BNC2: variants seen among roughly 807,000 people sequenced by gnomAD.
BNC2 encodes the protein zinc finger protein basonuclin-2.
BNC2 carries 20 observed loss-of-function variants against 76.3 expected under a neutral mutation model. That is an observed-to-expected ratio of 0.26 (90% CI 0.18 to 0.38). The LOEUF (loss-of-function observed/expected upper bound fraction) is 0.38. Among genes scored for constraint, BNC2 ranks in the 10% least tolerant of loss-of-function variants. The pLI is 1.00. For synonymous variants in BNC2, 582 were observed against 514.8 expected, an observed-to-expected ratio of 1.13 and a Z score of -1.77; for missense variants, 1,382 against 1,399.8, an observed-to-expected ratio of 0.99 and a Z score of 0.20.
At position 16,583,220 on chromosome 9, in the gene BNC2, A is replaced by G. The variant is rs968833736; in HGVS notation, c.331-135T>C. The G allele has an allele frequency of 5.8e-5, 42 of 718,884 alleles. 1 individual carries two copies. In the South Asian group the frequency reaches 6.6e-4, roughly 11 times the overall value. 44.5% of individuals were successfully genotyped at this position (718,884 alleles called of 1,614,324 possible). On this transcript the variant is annotated intron_variant, in intron 3 of 6. Coordinates refer to ENST00000380672, the MANE Select transcript of BNC2 (RefSeq NM_017637.6). ...TAGGGGCCTGGAGAGTTTTAAAAATAAATTTAGATATCACCAAAATCTCTT... is the reference window on the plus strand; with the variant it reads ...TAGGGGCCTGGAGAGTTTTAAAAATGAATTTAGATATCACCAAAATCTCTT...
chr9:16,555,038 A>ATTTTTTTTTTTTTTTTTTTTTTG (rs1818780708), intron 4 of BNC2, among the ~76,000 whole-genome samples: 1 of 151,178 alleles, frequency 6.6e-6, no homozygotes, highest in African/African-American at 2.5e-5. Context: ...ATTATTTTTT[A>ATTTTTTTTTTTTTTTTTTTTTTG]AGACGGAGTC....
At chr9:16,796,540 C>T (rs1817654498) in intron 1 of BNC2, among the ~76,000 whole-genome samples, 1 of 148,730 alleles carries the variant, frequency 6.7e-6, no homozygotes, top group African/African-American at 2.5e-5. Context: ...TCAATGCACT[C>T]CAGCCTGGGT....
At chr9:16,473,500 A>T (rs891637304) in intron 5 of BNC2, 1 of 152,228 alleles carries the variant, frequency 6.6e-6, no homozygotes, top group African/African-American at 2.4e-5. Context: ...CACCACTGTC[A>T]AAGCAACCTT....
intron 3 of BNC2, among the ~76,000 whole-genome samples, chr9:16,650,880 T>C (rs1821775175): frequency 1.3e-5 from 2 of 152,198 alleles, no homozygotes; most frequent in East Asian, 1.9e-4. Context: ...TGTGTAAGTT[T>C]TGTAAATATT....
intron 5 of BNC2, among the ~76,000 whole-genome samples, chr9:16,486,484 C>T (rs1157886381): frequency 6.6e-6 from 1 of 152,176 alleles, no homozygotes; most frequent in African/African-American, 2.4e-5. Flanking sequence ...TTTTATTATC[C>T]TCCCAGTACT....
intron 1 of BNC2, among the ~76,000 whole-genome samples, chr9:16,826,683 C>T (rs535246091): frequency 1.8e-4 from 28 of 152,032 alleles, no homozygotes; most frequent in Non-Finnish European, 3.8e-4. Context: ...ATGTTTTCAC[C>T]ATGGATTTTG....
chr9:16,724,986 ATTCAT>A (rs1034107417), intron 3 of BNC2, among the ~76,000 whole-genome samples: 1 of 152,146 alleles, frequency 6.6e-6, no homozygotes, highest in Non-Finnish European at 1.5e-5. Context: ...AATAAATTTT[ATTCAT>A]TTCATAAGCT....
At chr9:16,523,480 A>C (rs1211958112) in intron 5 of BNC2, among the ~76,000 whole-genome samples, 7 of 141,598 alleles carry the variant, frequency 4.9e-5, no homozygotes, top group African/African-American at 1.9e-4. Context: ...CAAAACAAAA[A>C]AAAAAAACAA....
chr9:16,743,745 G>T (rs1309339334), intron 1 of BNC2, among the ~76,000 whole-genome samples: 1 of 152,144 alleles, frequency 6.6e-6, no homozygotes, highest in Non-Finnish European at 1.5e-5. Flanking sequence ...ATGGGTATAG[G>T]GTGTTGAGAG....
At chr9:16,761,734 C>T (rs1825556980) in intron 1 of BNC2, among the ~76,000 whole-genome samples, 1 of 152,020 alleles carries the variant, frequency 6.6e-6, no homozygotes, top group African/African-American at 2.4e-5. Context: ...ATAATTATTC[C>T]AGGGCTCCCT....
At chr9:16,802,789 G>C (rs1261998418) in intron 1 of BNC2, among the ~76,000 whole-genome samples, 1 of 152,190 alleles carries the variant, frequency 6.6e-6, no homozygotes, top group Non-Finnish European at 1.5e-5. Context: ...GATTCTGCTG[G>C]GACCAGAGAA....
rs1031367568 is a variant in BNC2, at chr9:16,738,420, C to T, written c.69G>A (p.Glu23=). 1.1e-5 allele frequency: 17 copies of T among 1,613,976 alleles called. No individual in the cohort carries two copies. The highest frequency in any genetic ancestry group is 1.4e-5 in the Non-Finnish European group (17 of 1,179,916). ...CCTTGAAATATGCTGGCCAGTCTTGCTCACTAAGCCTGTCCTCTGATTTGT... is the reference window on the plus strand; with the variant it reads ...CCTTGAAATATGCTGGCCAGTCTTGTTCACTAAGCCTGTCCTCTGATTTGT... The part of the protein sequence containing the change: ...LNYKSEDRLS[E]QDWPAYFKVP... The change falls in exon 2 of 7, where the codon GAG becomes GAA. Residue 23 remains glutamate, a synonymous_variant. Transcript: ENST00000380672.
intron 1 of BNC2, among the ~76,000 whole-genome samples, chr9:16,802,385 G>C (rs1016607615): frequency 1.3e-5 from 2 of 152,180 alleles, no homozygotes; most frequent in African/African-American, 4.8e-5. Context: ...TTGCAATGCA[G>C]CCAGGCTCAG....
At chr9:16,768,610 T>C (rs1825756131) in intron 1 of BNC2, among the ~76,000 whole-genome samples, 1 of 151,878 alleles carries the variant, frequency 6.6e-6, no homozygotes, top group South Asian at 2.1e-4. Flanking sequence ...GAGAAGAGAA[T>C]GAGGGGGGTG....
At chr9:16,761,109 G>C (rs1825540209) in intron 1 of BNC2, among the ~76,000 whole-genome samples, 2 of 152,082 alleles carry the variant, frequency 1.3e-5, no homozygotes, top group Admixed American at 1.3e-4. Context: ...TTAGCTGGGA[G>C]TGGTGGCACA....
chr9:16,559,369 G>C (rs113816446), intron 4 of BNC2, among the ~76,000 whole-genome samples: 3 of 152,308 alleles, frequency 2.0e-5, no homozygotes, highest in African/African-American at 7.2e-5. Flanking sequence ...GCCCAGGGAA[G>C]CCAAAAGATT....
intron 1 of BNC2, among the ~76,000 whole-genome samples, chr9:16,776,359 C>T (rs528805983): frequency 1.3e-5 from 2 of 152,142 alleles, no homozygotes; most frequent in South Asian, 2.1e-4. Flanking sequence ...AGGCTGGTCT[C>T]GAACCTCTGA....
chr9:16,633,354 C>A (rs1821223216), intron 3 of BNC2, among the ~76,000 whole-genome samples: 3 of 152,266 alleles, frequency 2.0e-5, no homozygotes, highest in African/African-American at 7.2e-5. Context: ...ACTAGAAAAA[C>A]AACAGATTAA....
At chr9:16,591,439 C>T (rs1303207258) in intron 3 of BNC2, among the ~76,000 whole-genome samples, 3 of 152,040 alleles carry the variant, frequency 2.0e-5, no homozygotes, top group Admixed American at 6.6e-5. Flanking sequence ...AAACATCCCA[C>T]AAAAAAGCTT....
Sources: allele counts gnomAD v4.1 joint callset (sites outside exome capture counted in the v4.1 genomes callset), GRCh38; gene constraint gnomAD v4.1.1; transcripts MANE v1.5; gene names NCBI Gene and HGNC (gene_info 2026-07-23, HGNC 2026-07-21).